The following ORC5 variants were observed in gnomAD, a reference collection of about 807,000 sequenced individuals.
ORC5 encodes origin recognition complex subunit 5, also known as protein phosphatase 1, regulatory subunit 117.
In ORC5, 39 loss-of-function variants were observed where a neutral mutation model predicts 58.8. The ratio of observed to expected loss-of-function variants is 0.66; its 90% CI spans 0.51 to 0.87. The LOEUF (loss-of-function observed/expected upper bound fraction) is 0.87, where lower values mean the gene tolerates loss of function less well. Among genes scored for constraint, ORC5 ranks in the 40% least tolerant of loss-of-function variants. The pLI is 0.00. For missense variants in ORC5, 493 were observed against 506.3 expected (o/e 0.97, Z 0.25); for synonymous variants, 218 against 177.6 (o/e 1.23, Z -1.81).
intron 6 of ORC5, among the ~76,000 whole-genome samples, chr7:104,185,506 CATT>C (rs1338222457): frequency 5.9e-5 from 9 of 152,242 alleles, no homozygotes; most frequent in Admixed American, 2.6e-4. Flanking sequence ...AACTAAACAT[CATT>C]GAGTTTCGTA....
At chr7:104,176,439 G>A (rs557114132) in intron 8 of ORC5, among the ~76,000 whole-genome samples, 33 of 152,168 alleles carry the variant, frequency 2.2e-4, no homozygotes, top group African/African-American at 4.8e-4. Flanking sequence ...GATTTCTTTC[G>A]GTGTCTGCTA....
intron 13 of ORC5, among the ~76,000 whole-genome samples, chr7:104,135,552 C>A (rs1437762676): frequency 6.6e-6 from 1 of 152,136 alleles, no homozygotes; most frequent in Non-Finnish European, 1.5e-5. Context: ...CTCAGCCACC[C>A]AAACTGTTGG....
intron 11 of ORC5, among the ~76,000 whole-genome samples, chr7:104,161,492 T>G: frequency 6.6e-6 from 1 of 152,154 alleles, no homozygotes; most frequent in East Asian, 1.9e-4. Context: ...CAGATTCTCC[T>G]CTTGAGTAGC....
At chr7:104,140,849 C>G (rs1798662542) in intron 12 of ORC5, among the ~76,000 whole-genome samples, 1 of 152,186 alleles carries the variant, frequency 6.6e-6, no homozygotes, top group Admixed American at 6.5e-5. Context: ...CTACATTTTG[C>G]CTTTTAGCCT....
At chr7:104,195,115 T>G in intron 5 of ORC5, 28 bp downstream of exon 5, 1 of 1,187,194 alleles carries the variant, frequency 8.4e-7, no homozygotes, top group Non-Finnish European at 1.2e-6. Context: ...CTGCATATCA[T>G]TTGCCAAAAC....
chr7:104,202,409 A>C (rs920135340), intron 2 of ORC5: 1 of 309,886 alleles, frequency 3.2e-6, no homozygotes, highest in East Asian at 1.0e-4. Context: ...TTGCTAACTC[A>C]CTTCTCTCTC....
intron 13 of ORC5, among the ~76,000 whole-genome samples, chr7:104,135,961 C>T (rs896565879): frequency 1.3e-5 from 2 of 152,154 alleles, no homozygotes; most frequent in Non-Finnish European, 2.9e-5. Flanking sequence ...AGATTGTTAT[C>T]CAGCTGCAAC....
chr7:104,189,338 T>C (rs1472458715), intron 5 of ORC5, among the ~76,000 whole-genome samples: 1 of 152,004 alleles, frequency 6.6e-6, no homozygotes, highest in Non-Finnish European at 1.5e-5. Flanking sequence ...GCCGGATACT[T>C]ATAAAACCAA....
intron 12 of ORC5, among the ~76,000 whole-genome samples, chr7:104,153,452 C>A (rs537921077): frequency 1.3e-5 from 2 of 152,260 alleles, no homozygotes; most frequent in South Asian, 4.1e-4. Context: ...TTAAGTAAGG[C>A]TCCTTTACCA....
At chr7:104,143,939 T>C (rs1197962610) in intron 12 of ORC5, among the ~76,000 whole-genome samples, 1 of 151,832 alleles carries the variant, frequency 6.6e-6, no homozygotes, top group East Asian at 1.9e-4. Context: ...GCCAACATGG[T>C]GAAACCCCGT....
intron 2 of ORC5, among the ~76,000 whole-genome samples, chr7:104,202,186 A>T (rs748616085): frequency 3.3e-5 from 5 of 152,216 alleles, no homozygotes; most frequent in Non-Finnish European, 7.3e-5. Flanking sequence ...CACAAACGAG[A>T]CTTGCTCACC....
At chr7:104,163,887 C>T (rs191871980) in intron 11 of ORC5, among the ~76,000 whole-genome samples, 77 of 152,290 alleles carry the variant, frequency 5.1e-4, no homozygotes, top group African/African-American at 1.8e-3. Context: ...ACCTGCAGAA[C>T]AGGCAGACTC....
chr7:104,167,018 T>C (rs2115873798), intron 9 of ORC5, 134 bp from the exon 10 acceptor site: 1 of 581,574 alleles, frequency 1.7e-6, no homozygotes, highest in Non-Finnish European at 3.1e-6. Context: ...TTAAAAAGTG[T>C]CATGATAATG....
At chr7:104,188,461 A>G in intron 5 of ORC5, 80 bp from the exon 6 acceptor site, 1 of 1,091,494 alleles carries the variant, frequency 9.2e-7, no homozygotes, top group Non-Finnish European at 1.3e-6. Flanking sequence ...TAACAAAGGT[A>G]TTAAAAAAAA....
chr7:104,159,795 C>A (rs10487186), intron 12 of ORC5, among the ~76,000 whole-genome samples: 6,764 of 152,156 alleles, frequency 0.044, 497 homozygotes, highest in African/African-American at 0.15. Context: ...TGTAAGGCTC[C>A]ATTGCTTATA....
intron 12 of ORC5, among the ~76,000 whole-genome samples, chr7:104,146,562 G>T (rs796600383): frequency 6.6e-6 from 1 of 152,138 alleles, no homozygotes; most frequent in Non-Finnish European, 1.5e-5. Context: ...ATTCCCAAGT[G>T]TTATATACTA....
intron 12 of ORC5, among the ~76,000 whole-genome samples, chr7:104,156,422 T>C (rs990033016): frequency 7.2e-5 from 11 of 151,844 alleles, no homozygotes; most frequent in Admixed American, 6.6e-4. Flanking sequence ...CAATACAATA[T>C]TGCTGCTAGT....
intron 11 of ORC5, among the ~76,000 whole-genome samples, chr7:104,163,648 G>A (rs1188096830): frequency 1.3e-5 from 2 of 152,092 alleles, no homozygotes; most frequent in Middle Eastern, 3.4e-3. Context: ...CATCATGCCC[G>A]GCTAATTTTT....
intron 12 of ORC5, among the ~76,000 whole-genome samples, chr7:104,149,219 G>A (rs908117912): frequency 1.3e-4 from 19 of 151,964 alleles, no homozygotes; most frequent in Admixed American, 5.9e-4. Flanking sequence ...AAAAGAAAGG[G>A]TAATGAAAAG....
Sources: allele counts gnomAD v4.1 joint callset (sites outside exome capture counted in the v4.1 genomes callset), GRCh38; gene constraint gnomAD v4.1.1; transcripts MANE v1.5; gene names NCBI Gene and HGNC (gene_info 2026-07-23, HGNC 2026-07-21).